CACNA2D3: variants seen among roughly 807,000 people sequenced by gnomAD.
CACNA2D3 encodes the protein calcium voltage-gated channel auxiliary subunit alpha2delta 3.
CACNA2D3 carries 60 observed loss-of-function variants against 160.6 expected under a neutral mutation model. That is an observed-to-expected ratio of 0.37 (90% confidence interval 0.30 to 0.46). The LOEUF (loss-of-function observed/expected upper bound fraction) is 0.46. CACNA2D3 is among the 20% of genes least tolerant of loss of function. The probability of loss-of-function intolerance (pLI) is 1.00; values close to 1 mark genes in which losing one functional copy is unlikely to be tolerated. For synonymous variants in CACNA2D3, 558 were observed against 492.9 expected, an observed-to-expected ratio of 1.13 and a Z score of -1.75; for missense variants, 1,205 against 1,365.0, an observed-to-expected ratio of 0.88 and a Z score of 1.85.
chr3:54,564,971 T>G (rs1702386185), intron 6 of CACNA2D3, among the ~76,000 whole-genome samples: 1 of 152,210 alleles, frequency 6.6e-6, no homozygotes, highest in South Asian at 2.1e-4. Context: ...TTCTGCCTTC[T>G]TCCATTCTAA....
intron 20 of CACNA2D3, 70 bp downstream of exon 20, chr3:54,879,481 A>G: frequency 9.0e-7 from 1 of 1,106,592 alleles, no homozygotes; most frequent in Non-Finnish European, 1.3e-6. Context: ...ACCTGCTGAC[A>G]CTCTCAGAGC....
chr3:54,198,917 C>G (rs1192672144), intron 2 of CACNA2D3, among the ~76,000 whole-genome samples: 2 of 152,248 alleles, frequency 1.3e-5, no homozygotes, highest in African/African-American at 2.4e-5. Context: ...TGTCTTGCTC[C>G]TTAACGTTTG....
intron 2 of CACNA2D3, among the ~76,000 whole-genome samples, chr3:54,309,646 G>A (rs1217790731): frequency 6.6e-6 from 1 of 152,080 alleles, no homozygotes; most frequent in African/African-American, 2.4e-5. Context: ...ACTGGGCCTG[G>A]GACCCCTGAT....
intron 3 of CACNA2D3, among the ~76,000 whole-genome samples, chr3:54,364,244 T>C (rs1221943083): frequency 6.6e-6 from 1 of 152,218 alleles, no homozygotes; most frequent in Non-Finnish European, 1.5e-5. Context: ...CTTTCGTAGC[T>C]CAAACATTGC....
At chr3:54,686,016 G>A (rs1700442912) in intron 11 of CACNA2D3, among the ~76,000 whole-genome samples, 1 of 152,224 alleles carries the variant, frequency 6.6e-6, no homozygotes, top group Admixed American at 6.5e-5. Context: ...GGCTTTTACA[G>A]AAATACTTTT....
At chr3:54,177,853 A>G (rs928103719) in intron 2 of CACNA2D3, 1 of 152,148 alleles carries the variant, frequency 6.6e-6, no homozygotes, top group African/African-American at 2.4e-5. Flanking sequence ...TTCATGAGCA[A>G]TGTATACTCT....
intron 12 of CACNA2D3, among the ~76,000 whole-genome samples, chr3:54,763,874 T>TATATATGTAC (rs1702163896): frequency 2.9e-5 from 1 of 33,978 alleles, no homozygotes; most frequent in African/African-American, 1.3e-4. Context: ...TATATACGTA[T>TATATATGTAC]ATATATGTAT....
chr3:54,519,638 G>A lies in CACNA2D3; in HGVS notation c.544+15984G>A, dbSNP rs967327859. The stretch of plus-strand genomic sequence containing the variant: ...CCTTTCCCTAATAAATAGCTTAGTC[G>A]TAGGAGATATGTAATATACTTTCAG... On this transcript the variant is annotated intron_variant, in intron 5 of 37. Transcript: ENST00000474759. 4.6e-5 allele frequency among the ~76,000 whole-genome samples: 7 copies of A among 152,236 alleles called. No individual in the cohort carries two copies. The East Asian group carries it at 5.8e-4, about 13-fold the overall frequency.
chr3:54,989,053 T>C (rs1702680903), intron 31 of CACNA2D3, among the ~76,000 whole-genome samples: 1 of 152,242 alleles, frequency 6.6e-6, no homozygotes, highest in African/African-American at 2.4e-5. Context: ...TCAAGCTTCC[T>C]GCAGCAGCTC....
At chr3:54,342,355 A>G (rs1261338887) in intron 3 of CACNA2D3, among the ~76,000 whole-genome samples, 2 of 152,228 alleles carry the variant, frequency 1.3e-5, no homozygotes, top group Non-Finnish European at 2.9e-5. Context: ...AGAAATCTAC[A>G]CAAAAAGCAG....
intron 35 of CACNA2D3, among the ~76,000 whole-genome samples, chr3:55,072,427 G>A (rs1704831760): frequency 6.6e-6 from 1 of 152,168 alleles, no homozygotes; most frequent in African/African-American, 2.4e-5. Context: ...TAAAGCAGAA[G>A]AACTTTTCTT....
intron 3 of CACNA2D3, among the ~76,000 whole-genome samples, chr3:54,371,570 A>T (rs1698926695): frequency 1.3e-5 from 2 of 152,208 alleles, no homozygotes; most frequent in African/African-American, 4.8e-5. Context: ...GTGGTCATGG[A>T]TGCACATCAC....
intron 11 of CACNA2D3, among the ~76,000 whole-genome samples, chr3:54,740,617 T>G (rs1210583632): frequency 1.3e-5 from 2 of 152,200 alleles, no homozygotes; most frequent in African/African-American, 4.8e-5. Flanking sequence ...CCTGTCTGCC[T>G]TTTGGAGAAT....
chr3:54,846,258 A>G (rs573704238), intron 16 of CACNA2D3, 135 bp from the exon 17 acceptor site: 8 of 521,604 alleles, frequency 1.5e-5, no homozygotes, highest in Non-Finnish European at 2.7e-5. Context: ...CATTCATTTT[A>G]ATGAAATATT....
intron 6 of CACNA2D3, among the ~76,000 whole-genome samples, chr3:54,565,169 G>A (rs568097344): frequency 2.0e-5 from 3 of 152,246 alleles, no homozygotes; most frequent in Non-Finnish European, 2.9e-5. Context: ...TCAGCCATCC[G>A]AAACCCTGGG....
intron 9 of CACNA2D3, among the ~76,000 whole-genome samples, chr3:54,612,368 C>T (rs1698763337): frequency 1.3e-5 from 2 of 152,060 alleles, no homozygotes; most frequent in African/African-American, 2.4e-5. Flanking sequence ...TTTTTAGACT[C>T]ATAATCATAG....
intron 14 of CACNA2D3, among the ~76,000 whole-genome samples, chr3:54,836,156 T>C (rs1344351798): frequency 6.6e-6 from 1 of 151,944 alleles, no homozygotes; most frequent in Non-Finnish European, 1.5e-5. Context: ...TCCATGTGTC[T>C]GTAACCCAAT....
At chr3:54,346,078 G>A (rs951610209) in intron 3 of CACNA2D3, among the ~76,000 whole-genome samples, 5 of 152,178 alleles carry the variant, frequency 3.3e-5, no homozygotes, top group African/African-American at 1.2e-4. Context: ...TCAAGGAGGA[G>A]GAAACCATAT....
At chr3:54,795,363 T>C (rs1001566747) in intron 13 of CACNA2D3, among the ~76,000 whole-genome samples, 1 of 152,198 alleles carries the variant, frequency 6.6e-6, no homozygotes, top group Non-Finnish European at 1.5e-5. Flanking sequence ...TTTGTGAATT[T>C]TATCATTTCT....
Sources: gnomAD v4.1 joint callset for allele counts (sites outside exome capture counted in the v4.1 genomes callset) on GRCh38, gnomAD v4.1.1 for gene constraint, MANE v1.5 for transcripts, NCBI Gene and HGNC (gene_info 2026-07-23, HGNC 2026-07-21) for gene names.